Variants in GDPD4 observed in about 807,000 individuals in gnomAD.
GDPD4 encodes glycerophosphodiester phosphodiesterase domain containing 4, also known as glycerophosphodiester phosphodiesterase 6.
A neutral mutation model predicts 67.8 loss-of-function variants in GDPD4; 60 were observed. That is an observed-to-expected ratio of 0.88 (90% CI 0.72 to 1.10). The LOEUF (loss-of-function observed/expected upper bound fraction) is 1.10, where lower values mean the gene tolerates loss of function less well. Ranked by LOEUF, GDPD4 falls within the 50% of genes least tolerant of loss-of-function variation. GDPD4 has a pLI of 0.00. For missense variants in GDPD4, 623 were observed against 613.9 expected, an observed-to-expected ratio of 1.01 and a Z score of -0.16; for synonymous variants, 212 against 210.9, an observed-to-expected ratio of 1.00 and a Z score of -0.04.
intron 11 of GDPD4, among the ~76,000 whole-genome samples, chr11:77,248,051 C>CAAAAAAAAAAAAAAA (rs34252021): frequency 6.4e-5 from 4 of 62,698 alleles, no homozygotes; most frequent in Admixed American, 2.1e-4. Context: ...AACTCCGTCT[C>CAAAAAAAAAAAAAAA]AAAAAAAAAA....
At chr11:77,250,498 G>A (rs925955023) in intron 11 of GDPD4, among the ~76,000 whole-genome samples, 1 of 152,090 alleles carries the variant, frequency 6.6e-6, no homozygotes, top group Non-Finnish European at 1.5e-5. Context: ...TTGATATCTA[G>A]TGTTATTCCA....
chr11:77,244,443 G>A (rs1204201826), intron 12 of GDPD4, among the ~76,000 whole-genome samples: 2 of 152,296 alleles, frequency 1.3e-5, no homozygotes, highest in East Asian at 3.9e-4. Context: ...AGTGTCAAGG[G>A]CCTACTGTGT....
chr11:77,297,273 G>A (rs927969404), intron 1 of GDPD4, among the ~76,000 whole-genome samples: 1 of 150,942 alleles, frequency 6.6e-6, no homozygotes, highest in African/African-American at 2.4e-5. Flanking sequence ...TGGGCCGGGC[G>A]CAGTGGCTCA....
At position 77,243,847 on chromosome 11, in the gene GDPD4, A is replaced by G. The variant is rs1565517735; in HGVS notation, c.1088T>C (p.Ile363Thr). Residue 363 changes from isoleucine (I) to threonine (T), a missense_variant and splice_region_variant, in exon 13 of 17, where the codon ATT becomes ACT. By Grantham distance (89) the Ile-to-Thr change is moderately conservative. Coordinates refer to ENST00000315938, the MANE Select transcript of GDPD4 (RefSeq NM_182833.3). ...CCTATCATGAGCTGGCAACCAAAAA[A>G]TCTCTAAGGAGAAACAAGAAGTCCC... is the stretch of plus-strand genomic sequence containing the variant. ...ILASKIEQHLIFWLPAHDRQY... is the reference protein window; with the variant it reads ...ILASKIEQHLTFWLPAHDRQY... 1.2e-6 allele frequency: 2 copies of G among 1,612,384 alleles called. No homozygotes were observed. The highest frequency in any genetic ancestry group is 1.7e-6 in the Non-Finnish European group (2 of 1,179,076).
At chr11:77,272,403 G>A (rs1368488334) in intron 5 of GDPD4, among the ~76,000 whole-genome samples, 3 of 152,124 alleles carry the variant, frequency 2.0e-5, no homozygotes, top group African/African-American at 7.2e-5. Context: ...AGAGTCATAA[G>A]AATCACAGAT....
intron 12 of GDPD4, 133 bp downstream of exon 12, chr11:77,245,148 T>C: frequency 1.5e-6 from 1 of 672,994 alleles, no homozygotes; most frequent in South Asian, 1.9e-5. Flanking sequence ...GTAACAATCT[T>C]CATTTCCATA....
At chr11:77,220,012 CT>C (rs1478896449) in intron 16 of GDPD4, among the ~76,000 whole-genome samples, 2 of 152,114 alleles carry the variant, frequency 1.3e-5, no homozygotes, top group African/African-American at 4.8e-5. Flanking sequence ...GCTGAAGTTG[CT>C]TATCAGCTTA....
intron 1 of GDPD4, among the ~76,000 whole-genome samples, chr11:77,297,537 GAAAAAAAAA>G (rs576071684): frequency 1.3e-5 from 1 of 77,976 alleles, no homozygotes; most frequent in Admixed American, 1.4e-4. Context: ...CTCCGTCTCA[GAAAAAAAAA>G]AAAAAAAAAG....
chr11:77,233,709 C>A (rs2135831698), intron 13 of GDPD4, among the ~76,000 whole-genome samples: 2 of 152,292 alleles, frequency 1.3e-5, no homozygotes, highest in East Asian at 3.9e-4. Context: ...TTTATCAGTT[C>A]TTTACTTGAC....
At chr11:77,268,149 A>G (rs1325279019) in intron 10 of GDPD4, among the ~76,000 whole-genome samples, 2 of 152,118 alleles carry the variant, frequency 1.3e-5, no homozygotes, top group Non-Finnish European at 2.9e-5. Flanking sequence ...AAGGAATGTT[A>G]AATAAATTGC....
intron 1 of GDPD4, among the ~76,000 whole-genome samples, chr11:77,291,049 T>C (rs557587411): frequency 7.2e-5 from 11 of 152,294 alleles, no homozygotes; most frequent in African/African-American, 2.6e-4. Context: ...AATCAGTATA[T>C]CAAAAGGATA....
chr11:77,300,196 C>T (rs1255491434), intron 1 of GDPD4, among the ~76,000 whole-genome samples: 1 of 151,968 alleles, frequency 6.6e-6, no homozygotes, highest in African/African-American at 2.4e-5. Flanking sequence ...CCAAACCACT[C>T]ACCCCGTCAC....
chr11:77,283,832 T>G (rs1028199848), intron 3 of GDPD4, among the ~76,000 whole-genome samples: 11 of 151,596 alleles, frequency 7.3e-5, no homozygotes, highest in African/African-American at 2.7e-4. Context: ...AGAAAGTACT[T>G]TGGCAACAGA....
chr11:77,270,429 T>C (rs772026132), intron 7 of GDPD4, among the ~76,000 whole-genome samples: 13 of 152,172 alleles, frequency 8.5e-5, no homozygotes, highest in Non-Finnish European at 1.9e-4. Flanking sequence ...TTGAAACTAC[T>C]AATATTTGCC....
chr11:77,260,093 G>C (rs1959082271), intron 10 of GDPD4, among the ~76,000 whole-genome samples: 1 of 152,186 alleles, frequency 6.6e-6, no homozygotes, highest in South Asian at 2.1e-4. Context: ...GGCGGATCAT[G>C]AGGTCGAGAT....
chr11:77,244,314 G>A (rs1032551848), intron 12 of GDPD4, among the ~76,000 whole-genome samples: 2 of 152,142 alleles, frequency 1.3e-5, no homozygotes, highest in Admixed American at 6.5e-5. Flanking sequence ...TTACAGGCGT[G>A]AGCCACCGCG....
chr11:77,253,822 C>G (rs1421426671), intron 11 of GDPD4, among the ~76,000 whole-genome samples: 1 of 152,042 alleles, frequency 6.6e-6, no homozygotes, highest in Non-Finnish European at 1.5e-5. Flanking sequence ...AGGGCATAGC[C>G]AAGTCTGAAA....
At chr11:77,220,096 G>A (rs916902641) in intron 16 of GDPD4, among the ~76,000 whole-genome samples, 1 of 152,202 alleles carries the variant, frequency 6.6e-6, no homozygotes, top group Non-Finnish European at 1.5e-5. Context: ...ATCAGCTTAA[G>A]GAGACTTTGG....
chr11:77,224,684 T>A (rs1958292241), intron 16 of GDPD4, among the ~76,000 whole-genome samples: 1 of 152,216 alleles, frequency 6.6e-6, no homozygotes, highest in South Asian at 2.1e-4. Context: ...AATAAGATTG[T>A]AGCCCCAATT....
Sources: allele counts gnomAD v4.1 joint callset (sites outside exome capture counted in the v4.1 genomes callset), GRCh38; gene constraint gnomAD v4.1.1; transcripts MANE v1.5; gene names NCBI Gene and HGNC (gene_info 2026-07-23, HGNC 2026-07-21).